PXN: variants seen among roughly 807,000 people sequenced by gnomAD.
PXN encodes the protein testicular tissue protein Li 134.
Under a neutral mutation model 103.6 loss-of-function variants are expected in PXN, and 61 were observed. The ratio of observed to expected loss-of-function variants is 0.59; its 90% confidence interval spans 0.48 to 0.73. PXN has a LOEUF of 0.73. PXN is among the 30% of genes least tolerant of loss of function. PXN has a pLI of 0.00. For synonymous variants in PXN, 562 were observed against 607.8 expected (o/e 0.92, Z 1.11); for missense variants, 1,274 against 1,460.3 (o/e 0.87, Z 2.08).
At chr12:120,261,312 T>C (rs925511347) in intron 1 of PXN, among the ~76,000 whole-genome samples, 1 of 152,192 alleles carries the variant, frequency 6.6e-6, no homozygotes, top group African/African-American at 2.4e-5. Context: ...TGCCTCAGCC[T>C]CCTGAGTAGC....
rs572970763 is a variant in PXN at position 120,216,694 on chromosome 12, G to A, written c.1993-113C>T. 1 of 1,592,114 alleles carries A rather than the reference G, an allele frequency of 6.3e-7. No homozygotes were observed. On this transcript the variant is annotated intron_variant, in intron 8 of 14. Coordinates refer to ENST00000637617, the MANE Select transcript of PXN (RefSeq NM_001385981.1). This position sits in a 1 kb window ranked among gnomAD's most constrained non-coding sequence, Gnocchi z 5.1. ...GGCCTTCCCACTCTGCACCAAGAGTGGGGCCAGTCTTCCAAAGTCACAGGA... is the reference window on the plus strand; with the variant it reads ...GGCCTTCCCACTCTGCACCAAGAGTAGGGCCAGTCTTCCAAAGTCACAGGA...
intron 1 of PXN, among the ~76,000 whole-genome samples, chr12:120,249,368 G>C (rs901650942): frequency 7.9e-5 from 12 of 152,228 alleles, no homozygotes; most frequent in Admixed American, 5.2e-4. Context: ...AAGCACAGAG[G>C]GGGAGTGCAG....
intron 1 of PXN, among the ~76,000 whole-genome samples, chr12:120,263,921 A>G (rs1374373168): frequency 6.6e-6 from 1 of 152,154 alleles, no homozygotes; most frequent in Non-Finnish European, 1.5e-5. Flanking sequence ...AGCACTTTAG[A>G]AACTGTAACT....
chr12:120,239,070 G>A (rs975727709), intron 1 of PXN, among the ~76,000 whole-genome samples: 13 of 152,156 alleles, frequency 8.5e-5, no homozygotes, highest in Admixed American at 7.9e-4. Flanking sequence ...GACAGGAAAT[G>A]GTCACCAAAA....
At chr12:120,264,659 C>T (rs1273300708) in intron 1 of PXN, among the ~76,000 whole-genome samples, 1 of 152,238 alleles carries the variant, frequency 6.6e-6, no homozygotes, top group Non-Finnish European at 1.5e-5. Context: ...GGCATCCTGT[C>T]CTCTTTCACC....
At position 120,219,557 on chromosome 12, in the gene PXN, G is replaced by A. The variant is rs772124186; in HGVS notation, c.1366C>T (p.Arg456Ter). 22 of 1,578,582 alleles carry A rather than the reference G, an allele frequency of 1.4e-5. No homozygotes were observed. Among genetic ancestry groups the A allele is most frequent in the East Asian group, 2.3e-5 (1 of 43,812 alleles). Residue 456 changes from arginine (R) to a stop codon, truncating the protein, a stop_gained, in exon 7 of 15, where the codon CGA becomes TGA. Transcript: ENST00000637617. LOFTEE classifies it high-confidence loss of function. This position sits in a 1 kb window ranked among gnomAD's most constrained non-coding sequence, Gnocchi z 6.5. ...GGCTCTGTTACTTCTTGGAAGCTTC[G>A]AGCAGCTCCAGAGGGGGGCATTCTC... ...PERMPPSGAARSFQEVTEPAV... is the reference protein window; with the variant it reads ...PERMPPSGAA
At chr12:120,263,094 G>A (rs951560271) in intron 1 of PXN, among the ~76,000 whole-genome samples, 6 of 152,164 alleles carry the variant, frequency 3.9e-5, no homozygotes, top group African/African-American at 1.4e-4. Flanking sequence ...TCTCCCCTGT[G>A]TTAGGGACCA....
At chr12:120,241,868 G>C (rs569095012) in intron 1 of PXN, among the ~76,000 whole-genome samples, 1 of 152,344 alleles carries the variant, frequency 6.6e-6, no homozygotes, top group South Asian at 2.1e-4. Flanking sequence ...ACTCAGGCAG[G>C]GGAGATCAGA....
At chr12:120,243,900 G>A (rs1354697326) in intron 1 of PXN, among the ~76,000 whole-genome samples, 4 of 152,116 alleles carry the variant, frequency 2.6e-5, no homozygotes, top group African/African-American at 9.7e-5. Flanking sequence ...ATTGTGGGTA[G>A]GGAGTACGCC....
rs945021322 is a variant in PXN, at chr12:120,225,769, C to A, written c.14-1392G>T. On this transcript the variant is annotated intron_variant, in intron 1 of 14. Coordinates refer to ENST00000637617, the MANE Select transcript of PXN (RefSeq NM_001385981.1). This position sits in a 1 kb window ranked among gnomAD's most constrained non-coding sequence, Gnocchi z 4.4. ...CTGCCAGTGTGATCCTTCCTTGTGG[C>A]CTTGCTCCCAGTCCCCCAACCTGTG... 1 of 152,858 alleles carries A rather than the reference C, an allele frequency of 6.5e-6. No individual in the cohort carries two copies. The highest frequency in any genetic ancestry group is 2.0e-4 in the South Asian group (1 of 4,964). 9.5% of individuals were successfully genotyped at this position (152,858 alleles called of 1,614,324 possible).
chr12:120,212,918 T>G lies in PXN; in HGVS notation c.2980-338A>C. The G allele has an allele frequency of 4.6e-6, 1 of 219,090 alleles. No individual in the cohort carries two copies. 13.6% of individuals were successfully genotyped at this position (219,090 alleles called of 1,614,324 possible). A position where few individuals can be genotyped will look rare whatever the true frequency, so the allele number is the denominator to read the frequency against. ...AGGTGAAGTAACTTGCCCAGGGTCA[T>G]GCAGCTACTGAGGTCACAGCCTGGA... is the stretch of plus-strand genomic sequence containing the variant. On this transcript the variant is annotated intron_variant, in intron 14 of 14. Coordinates refer to ENST00000637617, the MANE Select transcript of PXN (RefSeq NM_001385981.1). The surrounding 1 kb of genome is among the most constrained non-coding windows in gnomAD (Gnocchi z 7.2).
chr12:120,259,717 G>C (rs1203427454), intron 1 of PXN, among the ~76,000 whole-genome samples: 1 of 152,194 alleles, frequency 6.6e-6, no homozygotes, highest in African/African-American at 2.4e-5. Context: ...CTCAAGGCCA[G>C]ATATGAGACT....
At position 120,222,404 on chromosome 12, in the gene PXN, G is replaced by C; in HGVS notation, c.695+145C>G. 3.2e-6 allele frequency: 3 copies of C among 934,492 alleles called. No individual in the cohort carries two copies. The highest frequency in any genetic ancestry group is 4.7e-6 in the Non-Finnish European group (3 of 638,600). 57.9% of individuals were successfully genotyped at this position (934,492 alleles called of 1,614,324 possible). A position where few individuals can be genotyped will look rare whatever the true frequency, so the allele number is the denominator to read the frequency against. ...GGCTGAAGGCAGGGATGGTGTCCAT[G>C]TGACTCACCACTATCCCCCCAGTGC... On this transcript the variant is annotated intron_variant, in intron 5 of 14. Transcript: ENST00000637617. The surrounding 1 kb of genome is among the most constrained non-coding windows in gnomAD (Gnocchi z 4.7).
chr12:120,243,062 G>GAC (rs530394627), intron 1 of PXN, among the ~76,000 whole-genome samples: 127 of 152,156 alleles, frequency 8.3e-4, no homozygotes, highest in African/African-American at 2.9e-3. Context: ...GATCCAACTG[G>GAC]ACACAGGGCA....
chr12:120,219,750 T>G lies in PXN; in HGVS notation c.1173A>C (p.Thr391=). 1 of 1,597,522 alleles carries G rather than the reference T, an allele frequency of 6.3e-7. No homozygotes were observed. The change falls in exon 7 of 15, where the codon ACA becomes ACC. Residue 391 remains threonine (T), a synonymous_variant. Coordinates refer to ENST00000637617, the MANE Select transcript of PXN (RefSeq NM_001385981.1). The surrounding 1 kb of genome is among the most constrained non-coding windows in gnomAD (Gnocchi z 6.5). Reference sequence around the variant, plus strand: ...AGCGGGGAGCCCCAGAGAGCTCACTTGTGATGGTCGGCAGGTGCCTCCAAT... The same window carrying G: ...AGCGGGGAGCCCCAGAGAGCTCACTGGTGATGGTCGGCAGGTGCCTCCAAT... The part of the protein sequence containing the change: ...GRDWRHLPTI[T]SELSGAPRCH...
intron 1 of PXN, among the ~76,000 whole-genome samples, chr12:120,240,199 AAAGCAGTCCTGGTACATCAC>A: frequency 6.6e-6 from 1 of 152,260 alleles, no homozygotes; most frequent in East Asian, 1.9e-4. Flanking sequence ...TAACAATCAT[AAAGCAGTCCTGGTACATCAC>A]AAGCACACAG....
intron 3 of PXN, 135 bp downstream of exon 3, chr12:120,223,583 G>T (rs1048661967): frequency 1.6e-6 from 1 of 625,626 alleles, no homozygotes; most frequent in Admixed American, 3.0e-5. Context: ...CAGGCCTTCT[G>T]CAGCTTAAAC....
Position 120,228,585 on chromosome 12 carries a change from C to T in PXN, c.14-4208G>A, listed in dbSNP as rs1040512167. Among the ~76,000 whole-genome samples, 5 of 152,180 alleles carry T rather than the reference C, an allele frequency of 3.3e-5. No homozygotes were observed. The highest frequency in any genetic ancestry group is 1.3e-4 in the Admixed American group (2 of 15,282). ...TCGTGCAATCTTGCAATTTTCTAGC[C>T]GGGGAAGACTGGGGAGCCCCTGGCC... is the stretch of plus-strand genomic sequence containing the variant. On this transcript the variant is annotated intron_variant, in intron 1 of 14. Coordinates refer to ENST00000637617, the MANE Select transcript of PXN (RefSeq NM_001385981.1). The surrounding 1 kb of genome is among the most constrained non-coding windows in gnomAD (Gnocchi z 4.7).
intron 1 of PXN, among the ~76,000 whole-genome samples, chr12:120,263,434 C>T (rs1894189633): frequency 6.6e-6 from 1 of 152,120 alleles, no homozygotes; most frequent in African/African-American, 2.4e-5. Context: ...TCGCCATCAC[C>T]CAGTGGCAAC....
Sources: gnomAD v4.1 joint callset for allele counts (sites outside exome capture counted in the v4.1 genomes callset) on GRCh38, gnomAD v4.1.1 for gene constraint, Gnocchi (gnomAD v3.1) non-coding constraint, MANE v1.5 for transcripts, NCBI Gene and HGNC (gene_info 2026-07-23, HGNC 2026-07-21) for gene names.